The following PHF21A variants were observed in gnomAD, a reference collection of about 807,000 sequenced individuals.
PHF21A encodes BHC80a.
A neutral mutation model predicts 82.5 loss-of-function variants in PHF21A; 11 were observed. That is an observed-to-expected ratio of 0.13 (90% CI 0.08 to 0.22). The LOEUF (loss-of-function observed/expected upper bound fraction) is 0.22, where lower values mean the gene tolerates loss of function less well. Ranked by LOEUF, PHF21A falls within the 10% of genes least tolerant of loss-of-function variation. The pLI is 1.00. For synonymous variants in PHF21A, 297 were observed against 302.8 expected (o/e 0.98, Z 0.20); for missense variants, 579 against 837.8 (o/e 0.69, Z 3.81).
intron 6 of PHF21A, among the ~76,000 whole-genome samples, chr11:46,042,956 C>G (rs2096182508): frequency 6.6e-6 from 1 of 152,052 alleles, no homozygotes; most frequent in South Asian, 2.1e-4. Flanking sequence ...GTTATAGCAG[C>G]CTGAATGAAC....
intron 6 of PHF21A, among the ~76,000 whole-genome samples, chr11:46,076,262 G>A (rs563855750): frequency 2.6e-5 from 4 of 152,274 alleles, no homozygotes; most frequent in East Asian, 3.9e-4. Context: ...GTTTTTTCAC[G>A]TAATAGTAGG....
In PHF21A at chr11:45,962,835, G is replaced by A. The variant is rs2093187251; in HGVS notation, c.996+2480C>T. Among the ~76,000 whole-genome samples the A allele has an allele frequency of 3.9e-5, 6 of 152,074 alleles. No homozygotes were observed. The South Asian group carries it at 1.2e-3, about 32-fold the overall frequency. On this transcript the variant is annotated intron_variant, in intron 10 of 18. Transcript: ENST00000676320. ...ATGAACCCGGGAGGCGGAGCTTGCAGTGAGCCGGGATCGTGCCACTGCACT... is the reference window on the plus strand; with the variant it reads ...ATGAACCCGGGAGGCGGAGCTTGCAATGAGCCGGGATCGTGCCACTGCACT...
chr11:46,012,015 T>C (rs966172396), intron 6 of PHF21A, among the ~76,000 whole-genome samples: 1 of 152,218 alleles, frequency 6.6e-6, no homozygotes, highest in Non-Finnish European at 1.5e-5. Flanking sequence ...CTGGGACCCA[T>C]GATAAACCAC....
At chr11:46,086,355 G>A (rs556651918) in intron 3 of PHF21A, among the ~76,000 whole-genome samples, 21 of 152,116 alleles carry the variant, frequency 1.4e-4, no homozygotes, top group Non-Finnish European at 1.9e-4. Flanking sequence ...TCCTGACCTC[G>A]TGATCCGCCC....
At chr11:45,989,490 T>TAA (rs57370032) in intron 6 of PHF21A, among the ~76,000 whole-genome samples, 69,513 of 100,834 alleles carry the variant, frequency 0.69, 24,510 homozygotes, top group Admixed American at 0.8. Flanking sequence ...CCATCTCTAC[T>TAA]AAAAAAAAAA....
intron 6 of PHF21A, among the ~76,000 whole-genome samples, chr11:46,003,383 A>G (rs897560839): frequency 6.6e-6 from 1 of 152,106 alleles, no homozygotes; most frequent in Non-Finnish European, 1.5e-5. Flanking sequence ...AAATGAGGAT[A>G]ATACCTATCC....
Position 45,971,372 on chromosome 11 carries a change from G to A in PHF21A, c.361-5C>T. 1.2e-6 allele frequency: 2 copies of A among 1,611,970 alleles called. No homozygotes were observed. Among genetic ancestry groups the A allele is most frequent in the Non-Finnish European group, 8.5e-7 (1 of 1,178,606 alleles). ...AGAAGCTGTAGTTACAGTCTTCTAG[G>A]AGACAGGGAAAACAGATATTAGGAC... On this transcript the variant is annotated splice_region_variant and splice_polypyrimidine_tract_variant and intron_variant, in intron 7 of 18. Coordinates refer to ENST00000676320, the MANE Select transcript of PHF21A (RefSeq NM_001352027.3).
At chr11:45,936,879 C>A in intron 16 of PHF21A, 1 of 250,876 alleles carries the variant, frequency 4.0e-6, no homozygotes, top group South Asian at 8.3e-5. Flanking sequence ...ACAGCTAGAA[C>A]CACCAACACA....
chr11:45,969,406 C>A lies in PHF21A; in HGVS notation c.702+409G>T, dbSNP rs115666620. Among the ~76,000 whole-genome samples the A allele has an allele frequency of 9.6e-3, 1,468 of 152,296 alleles. 18 individuals carry two copies. The highest frequency in any genetic ancestry group is 0.031 in the African/African-American group (1,292 of 41,548). On this transcript the variant is annotated intron_variant, in intron 9 of 18. Coordinates refer to ENST00000676320, the MANE Select transcript of PHF21A (RefSeq NM_001352027.3). ...TTCTCAAAACCATCACTTTCCAGGG[C>A]AGAACTGAAGAATAGTTTCTACTAG...
At chr11:46,070,629 C>G (rs184049603) in intron 6 of PHF21A, among the ~76,000 whole-genome samples, 19 of 152,170 alleles carry the variant, frequency 1.2e-4, no homozygotes, top group African/African-American at 4.3e-4. Flanking sequence ...CCGCACCCAG[C>G]CTGGTGACTA....
In PHF21A at chr11:45,948,867, G is replaced by C; in HGVS notation, c.1288+19C>G. ...GCAAAAGCAACAGCAGCAAGGGAGA[G>C]ATACAAAAAGGTCCTCACCTCTCTT... On this transcript the variant is annotated intron_variant, in intron 14 of 18. Coordinates refer to ENST00000676320, the MANE Select transcript of PHF21A (RefSeq NM_001352027.3). The C allele has an allele frequency of 6.3e-6, 10 of 1,598,522 alleles. No individual in the cohort carries two copies. The highest frequency in any genetic ancestry group is 8.6e-6 in the Non-Finnish European group (10 of 1,165,702).
chr11:46,118,528 C>T (rs1852038171), intron 1 of PHF21A, among the ~76,000 whole-genome samples: 1 of 151,582 alleles, frequency 6.6e-6, no homozygotes, highest in Non-Finnish European at 1.5e-5. Flanking sequence ...GATAGTTGTA[C>T]ATCTACAAAC....
At chr11:45,992,846 A>G (rs531480289) in intron 6 of PHF21A, among the ~76,000 whole-genome samples, 2 of 152,360 alleles carry the variant, frequency 1.3e-5, no homozygotes, top group Non-Finnish European at 2.9e-5. Context: ...AGCTTAAAGT[A>G]CCTTACATAT....
chr11:45,983,388 T>C (rs1347225221), intron 6 of PHF21A, among the ~76,000 whole-genome samples: 1 of 152,084 alleles, frequency 6.6e-6, no homozygotes, highest in African/African-American at 2.4e-5. Flanking sequence ...AAAGATAGCG[T>C]TGGTATGTCA....
intron 6 of PHF21A, among the ~76,000 whole-genome samples, chr11:46,068,680 A>G (rs1486771517): frequency 6.6e-6 from 1 of 152,180 alleles, no homozygotes; most frequent in Non-Finnish European, 1.5e-5. Flanking sequence ...AAAAAAAAAT[A>G]CAGTAGATTC....
At chr11:45,943,603 CA>C (rs2090783222) in intron 15 of PHF21A, among the ~76,000 whole-genome samples, 1 of 152,106 alleles carries the variant, frequency 6.6e-6, no homozygotes, top group Non-Finnish European at 1.5e-5. Context: ...TTTTAAAATC[CA>C]AGTTGATTTT....
Position 45,971,326 on chromosome 11 carries a change from T to C in PHF21A, c.402A>G (p.Leu134=), listed in dbSNP as rs1231480446. 1.2e-6 allele frequency: 2 copies of C among 1,613,946 alleles called. No individual in the cohort carries two copies. The highest frequency in any genetic ancestry group is 1.7e-5 in the Admixed American group (1 of 59,994). Residue 134 remains leucine (L), a synonymous_variant, in exon 8 of 19, where the codon CTA becomes CTG. Coordinates refer to ENST00000676320, the MANE Select transcript of PHF21A (RefSeq NM_001352027.3). ...CAGTTGCTGCTTTCAAGACGAGAGG[T>C]AGTGTCTTTGTGGTAATCATAGAAG... ...TTASMITTKT[L]PLVLKAATAT... is the part of the protein sequence containing the mutation.
intron 14 of PHF21A, among the ~76,000 whole-genome samples, chr11:45,946,837 G>A (rs116234578): frequency 0.012 from 1,768 of 152,234 alleles, 38 homozygotes; most frequent in African/African-American, 0.04. Flanking sequence ...GTGGAGACCG[G>A]CAAAGCAAGG....
chr11:46,112,595 T>C (rs543901315), intron 1 of PHF21A, among the ~76,000 whole-genome samples: 1 of 152,336 alleles, frequency 6.6e-6, no homozygotes, highest in South Asian at 2.1e-4. Flanking sequence ...TTTTCAAGTA[T>C]TAAATTTACA....
Sources: gnomAD v4.1 joint callset for allele counts (sites outside exome capture counted in the v4.1 genomes callset) on GRCh38, gnomAD v4.1.1 for gene constraint, MANE v1.5 for transcripts, NCBI Gene and HGNC (gene_info 2026-07-23, HGNC 2026-07-21) for gene names.